DCP1B: variants seen among roughly 807,000 people sequenced by gnomAD.
DCP1B encodes mRNA-decapping enzyme 1B.
A neutral mutation model predicts 60.5 loss-of-function variants in DCP1B; 47 were observed. The ratio of observed to expected loss-of-function variants is 0.78; its 90% confidence interval spans 0.61 to 0.99. The LOEUF (loss-of-function observed/expected upper bound fraction) is 0.99, where lower values mean the gene tolerates loss of function less well. DCP1B is among the 50% of genes least tolerant of loss of function. DCP1B has a pLI of 0.00. For synonymous variants in DCP1B, 267 were observed against 280.3 expected (o/e 0.95, Z 0.47); for missense variants, 725 against 756.8 (o/e 0.96, Z 0.49).
intron 2 of DCP1B, among the ~76,000 whole-genome samples, chr12:1,994,762 C>T (rs568877500): frequency 1.3e-5 from 2 of 152,256 alleles, no homozygotes; most frequent in African/African-American, 4.8e-5. Context: ...ACAACAGGAT[C>T]TCACCTCTTT....
chr12:1,947,191 GAATCACGGTCT>G (rs2030463447), intron 8 of DCP1B, among the ~76,000 whole-genome samples: 2 of 152,190 alleles, frequency 1.3e-5, no homozygotes, highest in Non-Finnish European at 2.9e-5. Context: ...TAAGGAGTGA[GAATCACGGTCT>G]AATCAGTGGT....
Position 1,953,157 on chromosome 12 carries a change from T to TTGCTGC in DCP1B, c.777_782dup (p.Gln260_Gln261dup), listed in dbSNP as rs71057810. On this transcript the variant is annotated inframe_insertion, in exon 7 of 9. Transcript: ENST00000280665. ...CCCCCTGCCTAATTGGAAGCTTCTC[T>TTGCTGC]TGCTGCTGCTGCTGCTGCTGCTGCT... The TTGCTGC allele has an allele frequency of 1.6e-3, 2,536 of 1,562,096 alleles. 4 individuals are homozygous for TTGCTGC. The highest frequency in any genetic ancestry group is 7.6e-3 in the East Asian group (318 of 41,630).
At chr12:1,950,474 A>G in intron 7 of DCP1B, 3 of 695,520 alleles carry the variant, frequency 4.3e-6, no homozygotes, top group Non-Finnish European at 7.9e-6. Context: ...AAAAGCAGAC[A>G]TTTTTAAAAA....
At chr12:2,002,180 G>A (rs1009834854) in intron 1 of DCP1B, among the ~76,000 whole-genome samples, 2 of 152,000 alleles carry the variant, frequency 1.3e-5, no homozygotes, top group Admixed American at 1.3e-4. Flanking sequence ...CATTTTCAGG[G>A]CAATAAGAAT....
At chr12:2,004,139 A>C in intron 1 of DCP1B, 143 bp downstream of exon 1, 12 of 1,150,016 alleles carry the variant, frequency 1.0e-5, no homozygotes, top group East Asian at 2.8e-5. Flanking sequence ...CCATCTCCAC[A>C]ACTTCGGCCT....
intron 7 of DCP1B, chr12:1,950,041 C>T (rs1053485135): frequency 7.3e-6 from 3 of 408,996 alleles, no homozygotes; most frequent in Admixed American, 7.5e-5. Context: ...TGATCCTTAT[C>T]TGACTGACTC....
intron 2 of DCP1B, among the ~76,000 whole-genome samples, chr12:1,995,237 A>G (rs762014410): frequency 6.6e-6 from 1 of 152,180 alleles, no homozygotes; most frequent in Admixed American, 6.5e-5. Context: ...CCTACTAAAA[A>G]TTCCCCAAAT....
rs1286705069 is a variant in DCP1B at position 1,971,173 on chromosome 12, A to G, written c.320-3263T>C. 7.8e-7 allele frequency: 1 copy of G among 1,289,212 alleles called. No homozygotes were observed. Among genetic ancestry groups the G allele is most frequent in the African/African-American group, 1.5e-5 (1 of 65,976 alleles). The allele number at this position is 1,289,212 out of a possible 1,614,324, so 79.9% of individuals were successfully genotyped here. On this transcript the variant is annotated intron_variant, in intron 3 of 8. Transcript: ENST00000280665. This position sits in a 1 kb window ranked among gnomAD's most constrained non-coding sequence, Gnocchi z 4.2. ...AGGGTACTTTGGTGCATGAAGCTCAACTCAACTATTTCTACATCTCTCCTG... is the reference window on the plus strand; with the variant it reads ...AGGGTACTTTGGTGCATGAAGCTCAGCTCAACTATTTCTACATCTCTCCTG...
In DCP1B at chr12:1,949,296, C is replaced by T. The variant is rs370457514; in HGVS notation, c.1563G>A (p.Pro521=). ...SPQRIPATAA[P]SLLMSPMVFA... ...ACACCATGGGGGACATAAGCAGAGA[C>T]GGAGCTGCTGTAGCAGGGATGCGCT... The change falls in exon 8 of 9, where the codon CCG becomes CCA. Residue 521 remains proline (P), a synonymous_variant. Coordinates refer to ENST00000280665, the MANE Select transcript of DCP1B (RefSeq NM_152640.5). 4.6e-5 allele frequency: 75 copies of T among 1,613,948 alleles called. No homozygotes were observed. Among genetic ancestry groups the T allele is most frequent in the Non-Finnish European group, 5.0e-5 (59 of 1,180,036 alleles).
rs755952352 is a variant in DCP1B, at chr12:2,004,416, C to T, written c.16G>A (p.Ala6Thr). The T allele has an allele frequency of 5.0e-6, 8 of 1,610,104 alleles. No homozygotes were observed. In the African/African-American group the frequency reaches 1.1e-4, roughly 21 times the overall value. ...CGCCCCTTTCCCACCAGGCCGCCTG[C>T]CGCCACGGCTGCCATCTTCCCTCCC... MAAVA[A>T]GGLVGKGRDI... is the part of the protein sequence containing the mutation. The change falls in exon 1 of 9, where the codon GCA becomes ACA. Residue 6 changes from alanine (A) to threonine (T), a missense_variant. By Grantham distance (58) the Ala-to-Thr change is moderately conservative. Transcript: ENST00000280665.
chr12:1,973,178 A>G (rs1218011902), intron 3 of DCP1B, among the ~76,000 whole-genome samples: 1 of 152,186 alleles, frequency 6.6e-6, no homozygotes, highest in Non-Finnish European at 1.5e-5. Context: ...TCTACATAGC[A>G]CTGTTATCTT....
In DCP1B at chr12:1,958,843, C is replaced by T. The variant is rs28734494; in HGVS notation, c.523-3283G>A. Among the ~76,000 whole-genome samples, 164 of 62,590 alleles carry T rather than the reference C, an allele frequency of 2.6e-3. 13 individuals are homozygous for T. The highest frequency in any genetic ancestry group is 3.7e-3 in the Non-Finnish European group (123 of 33,408). 41.1% of individuals were successfully genotyped at this position (62,590 alleles called of 152,430 possible). ...GGAAGGAAACAGGGGAAAAGCTCCCCAACGTCGCTTTGGGCAATGACTTTT... is the reference window on the plus strand; with the variant it reads ...GGAAGGAAACAGGGGAAAAGCTCCCTAACGTCGCTTTGGGCAATGACTTTT... On this transcript the variant is annotated intron_variant, in intron 5 of 8. Transcript: ENST00000280665.
downstream of DCP1B, among the ~76,000 whole-genome samples, chr12:1,941,786 T>A (rs1456791773): frequency 6.6e-6 from 1 of 151,948 alleles, no homozygotes; most frequent in Non-Finnish European, 1.5e-5. Flanking sequence ...GGAGGTCCAC[T>A]CTGCACTAAA....
intron 3 of DCP1B, among the ~76,000 whole-genome samples, chr12:1,977,085 G>A (rs1454303240): frequency 6.6e-6 from 1 of 152,178 alleles, no homozygotes; most frequent in African/African-American, 2.4e-5. Flanking sequence ...TTTACACAGA[G>A]TTCACTTTTA....
chr12:1,953,239 T>C lies in DCP1B; in HGVS notation c.701A>G (p.Lys234Arg). ...TTCCTGACATGTAGCTTTGTCCTGC[T>C]TCCCAAACAGAGCTGTCAAGGATAA... is the stretch of plus-strand genomic sequence containing the variant. ...QHLSLTALFG[K>R]QDKATCQETV... The change falls in exon 7 of 9, where the codon AAG becomes AGG. Residue 234 changes from lysine to arginine, a missense_variant. Coordinates refer to ENST00000280665, the MANE Select transcript of DCP1B (RefSeq NM_152640.5). 8.1e-6 allele frequency: 13 copies of C among 1,604,698 alleles called. No individual in the cohort carries two copies. Among genetic ancestry groups the C allele is most frequent in the Non-Finnish European group, 1.0e-5 (12 of 1,179,936 alleles).
chr12:1,981,589 C>A (rs576011978), intron 3 of DCP1B, among the ~76,000 whole-genome samples: 22 of 152,278 alleles, frequency 1.4e-4, no homozygotes, highest in Non-Finnish European at 2.9e-4. Context: ...ACATGTCTGT[C>A]TTTCGTGCTA....
In DCP1B at chr12:1,955,356, C is replaced by A; in HGVS notation, c.651+76G>T. The A allele has an allele frequency of 2.7e-6, 4 of 1,503,982 alleles. No individual in the cohort carries two copies. The South Asian group carries it at 4.2e-5, about 16-fold the overall frequency. 93.2% of individuals were successfully genotyped at this position (1,503,982 alleles called of 1,614,324 possible). A position where few individuals can be genotyped will look rare whatever the true frequency, so the allele number is the denominator to read the frequency against. Reference sequence around the variant, plus strand: ...ATTCTTCAACAACACCAGGCCCTCCCCTGACTATATTCTGGGTCAAAGTTC... The same window carrying A: ...ATTCTTCAACAACACCAGGCCCTCCACTGACTATATTCTGGGTCAAAGTTC... On this transcript the variant is annotated intron_variant, in intron 6 of 8. Coordinates refer to ENST00000280665, the MANE Select transcript of DCP1B (RefSeq NM_152640.5).
intron 3 of DCP1B, among the ~76,000 whole-genome samples, chr12:1,970,304 C>G (rs2031888109): frequency 6.6e-6 from 1 of 152,080 alleles, no homozygotes; most frequent in African/African-American, 2.4e-5. Context: ...AGGACCCAAC[C>G]ATTTATCTCC....
chr12:1,976,158 CAA>C (rs1378526197), intron 3 of DCP1B, among the ~76,000 whole-genome samples: 2 of 152,160 alleles, frequency 1.3e-5, no homozygotes, highest in Non-Finnish European at 2.9e-5. Context: ...TGACAGAGAA[CAA>C]AAAAGTCATT....
Sources: gnomAD v4.1 joint callset for allele counts (sites outside exome capture counted in the v4.1 genomes callset) on GRCh38, gnomAD v4.1.1 for gene constraint, Gnocchi (gnomAD v3.1) non-coding constraint, MANE v1.5 for transcripts, NCBI Gene and HGNC (gene_info 2026-07-23, HGNC 2026-07-21) for gene names.